PYGL: variants seen among roughly 807,000 people sequenced by gnomAD.
The protein encoded by PYGL is glycogen phosphorylase L, also known as glycogen phosphorylase, liver form.
PYGL carries 90 observed loss-of-function variants against 100.1 expected under a neutral mutation model. The observed-to-expected ratio is 0.90, with a 90% CI of 0.76 to 1.07. The LOEUF (loss-of-function observed/expected upper bound fraction) is 1.07. Ranked by LOEUF, PYGL falls within the 50% of genes least tolerant of loss-of-function variation. The pLI, the probability that PYGL is intolerant of heterozygous loss-of-function variation, is 0.00. For synonymous variants in PYGL, 373 were observed against 393.0 expected (o/e 0.95, Z 0.60); for missense variants, 1,016 against 1,057.6 (o/e 0.96, Z 0.55).
intron 4 of PYGL, among the ~76,000 whole-genome samples, chr14:50,925,908 C>T (rs1296993249): frequency 6.6e-6 from 1 of 152,116 alleles, no homozygotes; most frequent in East Asian, 1.9e-4. Flanking sequence ...TCTTAAAATG[C>T]AGATTCTCAG....
In PYGL at chr14:50,914,787, C is replaced by T. The variant is rs1453358130; in HGVS notation, c.1432G>A (p.Asp478Asn). 1 of 1,613,916 alleles carries T rather than the reference C, an allele frequency of 6.2e-7. No individual in the cohort carries two copies. Among genetic ancestry groups the T allele is most frequent in the South Asian group, 1.1e-5 (1 of 91,066 alleles). ...VFKDFSELEP[D>N]KFQNKTNGIT... ...CCATTGGTTTTATTCTGAAACTTGTCAGGTTCTAGCTCACTGAAGTCCTTG... is the reference window on the plus strand; with the variant it reads ...CCATTGGTTTTATTCTGAAACTTGTTAGGTTCTAGCTCACTGAAGTCCTTG... Residue 478 changes from aspartate to asparagine, a missense_variant, in exon 12 of 20, where the codon GAC becomes AAC. Physicochemically the swap from Asp to Asn is conservative, Grantham distance 23. Coordinates refer to ENST00000216392, the MANE Select transcript of PYGL (RefSeq NM_002863.5).
rs761970782 is a variant in PYGL, at chr14:50,908,388, T to C, written c.2313-51A>G. On this transcript the variant is annotated intron_variant, in intron 18 of 19. Coordinates refer to ENST00000216392, the MANE Select transcript of PYGL (RefSeq NM_002863.5). ...AAAAAACAGTCAAAATCTTCATTAA[T>C]AGATATATGCTAAAATTCCATGTAA... is the stretch of plus-strand genomic sequence containing the variant. 1.6e-5 allele frequency: 22 copies of C among 1,414,698 alleles called. No individual in the cohort carries two copies. The East Asian group carries it at 3.4e-4, about 22-fold the overall frequency. The allele number at this position is 1,414,698 out of a possible 1,614,324, so 87.6% of individuals were successfully genotyped here. A position where few individuals can be genotyped will look rare whatever the true frequency, so the allele number is the denominator to read the frequency against.
intron 19 of PYGL, among the ~76,000 whole-genome samples, chr14:50,906,897 C>A (rs747170443): frequency 6.6e-6 from 1 of 152,194 alleles, no homozygotes; most frequent in Non-Finnish European, 1.5e-5. Flanking sequence ...GCAGCACAGG[C>A]GTTGAATGAT....
At chr14:50,925,166 T>C (rs1408155960) in intron 4 of PYGL, among the ~76,000 whole-genome samples, 1 of 152,222 alleles carries the variant, frequency 6.6e-6, no homozygotes. Context: ...AGCACGTTAC[T>C]GTGCTGAATA....
intron 1 of PYGL, among the ~76,000 whole-genome samples, chr14:50,941,775 G>A (rs1407231791): frequency 1.3e-5 from 2 of 152,134 alleles, no homozygotes; most frequent in Non-Finnish European, 1.5e-5. Flanking sequence ...CTACTCAGGA[G>A]GCTAAGGCAG....
intron 2 of PYGL, among the ~76,000 whole-genome samples, chr14:50,936,876 G>A (rs2050658573): frequency 6.6e-6 from 1 of 152,196 alleles, no homozygotes; most frequent in Admixed American, 6.5e-5. Flanking sequence ...CTCCAAGGGA[G>A]AGATGTTATT....
At chr14:50,938,492 G>A (rs995405888) in intron 1 of PYGL, among the ~76,000 whole-genome samples, 7 of 152,186 alleles carry the variant, frequency 4.6e-5, no homozygotes, top group African/African-American at 2.4e-5. Flanking sequence ...GATTAGAGGC[G>A]CGAGCCACTG....
At chr14:50,912,619 G>C (rs539101187) in intron 13 of PYGL, among the ~76,000 whole-genome samples, 2 of 152,236 alleles carry the variant, frequency 1.3e-5, no homozygotes, top group South Asian at 4.1e-4. Flanking sequence ...TAGGATTACA[G>C]GGATGAGCCA....
Position 50,944,482 on chromosome 14 carries a change from G to GT in PYGL, c.-80dup. The GT allele has an allele frequency of 6.8e-7, 1 of 1,475,698 alleles. No individual in the cohort carries two copies. The highest frequency in any genetic ancestry group is 8.9e-7 in the Non-Finnish European group (1 of 1,118,920). 91.4% of individuals were successfully genotyped at this position (1,475,698 alleles called of 1,614,324 possible). ...GGAGGCGCTGGGCTGCCGGGCAGGG[G>GT]TGGAGTCCGCCCCGCCGCGCCAGCA... is the stretch of plus-strand genomic sequence containing the variant. On this transcript the variant is annotated 5_prime_UTR_variant, in exon 1 of 20. Transcript: ENST00000216392.
At chr14:50,932,558 A>T (rs1312312428) in intron 3 of PYGL, among the ~76,000 whole-genome samples, 1 of 152,220 alleles carries the variant, frequency 6.6e-6, no homozygotes, top group Non-Finnish European at 1.5e-5. Flanking sequence ...CCTGCTGCTG[A>T]ATAAACCAGT....
chr14:50,941,802 C>A (rs546898120), intron 1 of PYGL, among the ~76,000 whole-genome samples: 2 of 152,134 alleles, frequency 1.3e-5, no homozygotes, highest in South Asian at 2.1e-4. Flanking sequence ...CACTTGAACC[C>A]GAGAGGCAGA....
At chr14:50,908,034 A>AC in intron 19 of PYGL, 1 of 354,862 alleles carries the variant, frequency 2.8e-6, no homozygotes. Flanking sequence ...AAAAAAAAAA[A>AC]AAAAAAATTA....
rs1019766925 is a variant in PYGL at position 50,915,645 on chromosome 14, G to T, written c.1240-146C>A. 18 of 1,361,780 alleles carry T rather than the reference G, an allele frequency of 1.3e-5. No homozygotes were observed. The East Asian group carries it at 3.9e-4, about 29-fold the overall frequency. The allele number at this position is 1,361,780 out of a possible 1,614,324, so 84.4% of individuals were successfully genotyped here. On this transcript the variant is annotated intron_variant, in intron 10 of 19. Coordinates refer to ENST00000216392, the MANE Select transcript of PYGL (RefSeq NM_002863.5). ...GAGGGGTTGAGTTAGCTCTATGGAGGTGCCATCCCTCCATTTCAGCACTTT... is the reference window on the plus strand; with the variant it reads ...GAGGGGTTGAGTTAGCTCTATGGAGTTGCCATCCCTCCATTTCAGCACTTT...
At chr14:50,929,137 A>G (rs56187730) in intron 4 of PYGL, among the ~76,000 whole-genome samples, 9,074 of 152,074 alleles carry the variant, frequency 0.06, 392 homozygotes, top group African/African-American at 0.12. Flanking sequence ...TGCAACCTCC[A>G]TCTCCCAGGC....
Position 50,911,850 on chromosome 14 carries a change from C to T in PYGL, c.1849G>A (p.Ala617Thr), listed in dbSNP as rs866712460. 2 of 1,606,654 alleles carry T rather than the reference C, an allele frequency of 1.2e-6. No homozygotes were observed. Among genetic ancestry groups the T allele is most frequent in the Non-Finnish European group, 8.5e-7 (1 of 1,179,156 alleles). Residue 617 changes from alanine (A) to threonine (T), a missense_variant, in exon 16 of 20, where the codon GCC becomes ACC. By Grantham distance (58) the Ala-to-Thr change is moderately conservative (BLOSUM62 0). Coordinates refer to ENST00000216392, the MANE Select transcript of PYGL (RefSeq NM_002863.5). Reference sequence around the variant, plus strand: ...GTGATCAGCTTTATGATCATTTTGGCCATGTGATATCCTGGGGCAGCCTTT... The same window carrying T: ...GTGATCAGCTTTATGATCATTTTGGTCATGTGATATCCTGGGGCAGCCTTT... Reference protein sequence around the residue: ...GGKAAPGYHMAKMIIKLITSV... With the variant: ...GGKAAPGYHMTKMIIKLITSV...
At chr14:50,911,150 C>T (rs1171572040) in intron 16 of PYGL, among the ~76,000 whole-genome samples, 1 of 152,182 alleles carries the variant, frequency 6.6e-6, no homozygotes, top group East Asian at 1.9e-4. Context: ...GAGCTTGTGA[C>T]CCAAATAACC....
chr14:50,943,594 C>G (rs2050719554), intron 1 of PYGL, among the ~76,000 whole-genome samples: 1 of 152,238 alleles, frequency 6.6e-6, no homozygotes, highest in Non-Finnish European at 1.5e-5. Flanking sequence ...AATGGGTGGG[C>G]GGCGCTCTAC....
intron 5 of PYGL, among the ~76,000 whole-genome samples, chr14:50,922,719 C>A (rs1218603206): frequency 6.6e-6 from 1 of 152,204 alleles, no homozygotes; most frequent in Non-Finnish European, 1.5e-5. Flanking sequence ...ATCAGCCTGG[C>A]CACTTGCTCA....
At chr14:50,913,158 C>G (rs1488188720) in intron 12 of PYGL, 28 bp from the exon 13 acceptor site, 1 of 1,601,046 alleles carries the variant, frequency 6.2e-7, no homozygotes, top group African/African-American at 1.3e-5. Flanking sequence ...AAGATGACTT[C>G]AATTTGGGGA....
Sources: allele counts gnomAD v4.1 joint callset (sites outside exome capture counted in the v4.1 genomes callset), GRCh38; gene constraint gnomAD v4.1.1; transcripts MANE v1.5; gene names NCBI Gene and HGNC (gene_info 2026-07-23, HGNC 2026-07-21).